TPCN1: variants seen among roughly 807,000 people sequenced by gnomAD.
The protein encoded by TPCN1 is two pore channel protein 1.
In TPCN1, 52 loss-of-function variants were observed where a neutral mutation model predicts 108.8. The observed-to-expected ratio is 0.48, with a 90% confidence interval of 0.38 to 0.60. The LOEUF is 0.60. TPCN1 is among the 20% of genes least tolerant of loss of function. The probability of loss-of-function intolerance (pLI) is 0.00; values close to 1 mark genes in which losing one functional copy is unlikely to be tolerated. For missense variants in TPCN1, 806 were observed against 1,072.8 expected (o/e 0.75, Z 3.47); for synonymous variants, 446 against 433.7 (o/e 1.03, Z -0.35).
intron 2 of TPCN1, among the ~76,000 whole-genome samples, chr12:113,247,992 T>G (rs1954468867): frequency 6.6e-6 from 1 of 152,232 alleles, no homozygotes; most frequent in Non-Finnish European, 1.5e-5. Context: ...CTCTTGAGTC[T>G]TATTCTCCCC....
chr12:113,246,838 G>A (rs555648577), intron 2 of TPCN1, among the ~76,000 whole-genome samples: 16 of 152,344 alleles, frequency 1.1e-4, no homozygotes, highest in African/African-American at 3.8e-4. Flanking sequence ...ATGAGCACCA[G>A]TTGGAGAGGG....
At chr12:113,239,729 C>T (rs148941105) in intron 2 of TPCN1, among the ~76,000 whole-genome samples, 158 of 152,342 alleles carry the variant, frequency 1.0e-3, no homozygotes, top group African/African-American at 3.4e-3. Flanking sequence ...CTTCCAGCTT[C>T]GAACTCCCCA....
chr12:113,264,678 CAAAA>C (rs78726088), intron 3 of TPCN1, among the ~76,000 whole-genome samples: 1 of 137,796 alleles, frequency 7.3e-6, no homozygotes, highest in African/African-American at 2.7e-5. Flanking sequence ...GACTCTGTCT[CAAAA>C]AAAAAGAAAA....
In TPCN1 at chr12:113,287,972, C is replaced by G. The variant is rs181371761; in HGVS notation, c.1635-191C>G. Among the ~76,000 whole-genome samples the G allele has an allele frequency of 1.9e-3, 286 of 152,324 alleles. 1 individual carries two copies. The highest frequency in any genetic ancestry group is 6.7e-3 in the African/African-American group (277 of 41,582). On this transcript the variant is annotated intron_variant, in intron 19 of 27. Transcript: ENST00000335509. ...CCGGTGTCCTGGGGCTGCCACCATC[C>G]CTTCCCTCATGCATGAATCACCTGA...
chr12:113,260,419 G>A lies in TPCN1; in HGVS notation c.164G>A (p.Gly55Glu). 1 of 1,550,958 alleles carries A rather than the reference G, an allele frequency of 6.4e-7. No individual in the cohort carries two copies. Among genetic ancestry groups the A allele is most frequent in the Non-Finnish European group, 8.7e-7 (1 of 1,153,874 alleles). Residue 55 changes from glycine (G) to glutamate (E), a missense_variant, in exon 3 of 28, where the codon GGG becomes GAG. By Grantham distance (98) the Gly-to-Glu change is moderately conservative. Transcript: ENST00000335509. ...TCCCAGGCCCCCAGTCTCAGCTCTG[G>A]GGGTGAGAGTTCCCCCTCCAGCCCC... The part of the protein sequence containing the change: ...HDSQAPSLSS[G>E]GESSPSSPAH...
intron 1 of TPCN1, among the ~76,000 whole-genome samples, chr12:113,223,435 C>CTTTTTTTTTTTTTTTTTTTTTTT: frequency 8.3e-6 from 1 of 120,288 alleles, no homozygotes; most frequent in Non-Finnish European, 1.7e-5. Context: ...TCTGCTGAGT[C>CTTTTTTTTTTTTTTTTTTTTTTT]TTTTTTTTTT....
intron 1 of TPCN1, among the ~76,000 whole-genome samples, chr12:113,224,982 C>A (rs1953418799): frequency 6.6e-6 from 1 of 151,856 alleles, no homozygotes; most frequent in African/African-American, 2.4e-5. Context: ...AACTCCTGAG[C>A]TCAAGTGATC....
chr12:113,273,640 C>T lies in TPCN1; in HGVS notation c.914C>T (p.Ser305Phe), dbSNP rs913850689. The change falls in exon 10 of 28, where the codon TCC becomes TTC. Residue 305 changes from serine (S) to phenylalanine (F), a missense_variant. Coordinates refer to ENST00000335509, the MANE Select transcript of TPCN1 (RefSeq NM_017901.6). The surrounding 1 kb of genome is among the most constrained non-coding windows in gnomAD (Gnocchi z 4.0). ...WSCVFFIVYL[S>F]IELYFIMNLL... ...TGCGTCTTCTTCATCGTGTACCTCT[C>T]CATCGAGCTGTATTTCATCATGAAC... 2 of 1,614,220 alleles carry T rather than the reference C, an allele frequency of 1.2e-6. No individual in the cohort carries two copies. Among genetic ancestry groups the T allele is most frequent in the Admixed American group, 1.7e-5 (1 of 60,028 alleles).
intron 7 of TPCN1, among the ~76,000 whole-genome samples, chr12:113,270,877 C>T (rs373849630): frequency 6.6e-5 from 10 of 152,302 alleles, no homozygotes; most frequent in East Asian, 3.9e-4. Flanking sequence ...ACACCCTCAA[C>T]TTGGGGATTA....
Position 113,296,675 on chromosome 12 carries a change from G to A in TPCN1, c.*599G>A, listed in dbSNP as rs1310246417. The A allele has an allele frequency of 6.6e-6, 1 of 152,504 alleles. No homozygotes were observed. The highest frequency in any genetic ancestry group is 1.5e-5 in the Non-Finnish European group (1 of 68,244). The allele number at this position is 152,504 out of a possible 1,614,324, so 9.4% of individuals were successfully genotyped here. A position where few individuals can be genotyped will look rare whatever the true frequency, so the allele number is the denominator to read the frequency against. Reference sequence around the variant, plus strand: ...ACTGGGCCCATGTGGCCAGAGCTCAGTTAGCCAGTGCCGGGCGGCCACAGA... The same window carrying A: ...ACTGGGCCCATGTGGCCAGAGCTCAATTAGCCAGTGCCGGGCGGCCACAGA... On this transcript the variant is annotated 3_prime_UTR_variant, in exon 28 of 28. Transcript: ENST00000335509.
chr12:113,264,537 GGT>G lies in TPCN1; in HGVS notation c.238-1639_238-1638del, dbSNP rs1955172371. Among the ~76,000 whole-genome samples the G allele has an allele frequency of 4.6e-5, 7 of 152,076 alleles. No individual in the cohort carries two copies. In the South Asian group the frequency reaches 1.5e-3, roughly 32 times the overall value. ...CTACTAAAAATACAAAAATTAGCCAGGTGTGGTGGTGCACGCCTGTCATTCCA... is the reference window on the plus strand; with the variant it reads ...CTACTAAAAATACAAAAATTAGCCAGGTGGTGGTGCACGCCTGTCATTCCA... On this transcript the variant is annotated intron_variant, in intron 3 of 27. Transcript: ENST00000335509.
Position 113,272,560 on chromosome 12 carries a change from G to A in TPCN1, c.749-98G>A. The A allele has an allele frequency of 9.0e-7, 1 of 1,111,886 alleles. No individual in the cohort carries two copies. The highest frequency in any genetic ancestry group is 1.4e-6 in the Non-Finnish European group (1 of 722,780). 68.9% of individuals were successfully genotyped at this position (1,111,886 alleles called of 1,614,324 possible). ...CAGTCCCTGCTGCTCTTCCTGACCTGCTGCGTTCATTTGCATGTATTTGTC... is the reference window on the plus strand; with the variant it reads ...CAGTCCCTGCTGCTCTTCCTGACCTACTGCGTTCATTTGCATGTATTTGTC... On this transcript the variant is annotated intron_variant, in intron 7 of 27. Coordinates refer to ENST00000335509, the MANE Select transcript of TPCN1 (RefSeq NM_017901.6). The surrounding 1 kb of genome is among the most constrained non-coding windows in gnomAD (Gnocchi z 4.1).
intron 2 of TPCN1, among the ~76,000 whole-genome samples, chr12:113,235,613 G>A (rs902878342): frequency 2.0e-5 from 3 of 151,996 alleles, no homozygotes; most frequent in South Asian, 2.1e-4. Flanking sequence ...TAAAATGGCC[G>A]CACATTTAGG....
Position 113,226,718 on chromosome 12 carries a change from C to T in TPCN1, c.-125-10C>T, listed in dbSNP as rs1189871663. 6.6e-7 allele frequency: 1 copy of T among 1,526,426 alleles called. No individual in the cohort carries two copies. The highest frequency in any genetic ancestry group is 2.5e-5 in the East Asian group (1 of 40,790). The allele number at this position is 1,526,426 out of a possible 1,614,324, so 94.6% of individuals were successfully genotyped here. A position where few individuals can be genotyped will look rare whatever the true frequency, so the allele number is the denominator to read the frequency against. ...AATTATCTTTTATTTTTTTAATTCC[C>T]AAACCCTAGAAGATGCCTCTAATGG... On this transcript the variant is annotated splice_polypyrimidine_tract_variant and intron_variant, in intron 1 of 27. Transcript: ENST00000335509.
At chr12:113,287,871 C>T (rs529565426) in intron 19 of TPCN1, among the ~76,000 whole-genome samples, 1 of 152,304 alleles carries the variant, frequency 6.6e-6, no homozygotes, top group Admixed American at 6.5e-5. Flanking sequence ...AGGCCTTGCT[C>T]CTGTCTGAGC....
chr12:113,289,974 G>T lies in TPCN1; in HGVS notation c.1797-154G>T. On this transcript the variant is annotated intron_variant, in intron 21 of 27. Coordinates refer to ENST00000335509, the MANE Select transcript of TPCN1 (RefSeq NM_017901.6). This position sits in a 1 kb window ranked among gnomAD's most constrained non-coding sequence, Gnocchi z 4.1. The stretch of plus-strand genomic sequence containing the variant: ...AGGGCATTCCTTCAGCAGGGACCCA[G>T]GCATGAGGTGGAGAGGGTTAGGCAG... 1.7e-6 allele frequency: 1 copy of T among 580,678 alleles called. No homozygotes were observed. The highest frequency in any genetic ancestry group is 2.1e-5 in the South Asian group (1 of 47,458). The allele number at this position is 580,678 out of a possible 1,614,324, so 36.0% of individuals were successfully genotyped here. A position where few individuals can be genotyped will look rare whatever the true frequency, so the allele number is the denominator to read the frequency against.
chr12:113,228,332 C>T (rs1953549664), intron 2 of TPCN1, among the ~76,000 whole-genome samples: 1 of 152,178 alleles, frequency 6.6e-6, no homozygotes, highest in Non-Finnish European at 1.5e-5. Context: ...ACAGGCCAGG[C>T]GTGGTGGCCC....
At chr12:113,254,877 A>G (rs1332195225) in intron 2 of TPCN1, among the ~76,000 whole-genome samples, 1 of 152,240 alleles carries the variant, frequency 6.6e-6, no homozygotes, top group African/African-American at 2.4e-5. Context: ...ACAACAAACT[A>G]GGCACAGAAA....
At position 113,289,413 on chromosome 12, in the gene TPCN1, A is replaced by G. The variant is rs147979727; in HGVS notation, c.1796+566A>G. ...AGCACCGATGAAGAAACAGTTTTACAAAGACACTGGTAGCTTTGAGACCCA... is the reference window on the plus strand; with the variant it reads ...AGCACCGATGAAGAAACAGTTTTACGAAGACACTGGTAGCTTTGAGACCCA... On this transcript the variant is annotated intron_variant, in intron 21 of 27. Transcript: ENST00000335509. The surrounding 1 kb of genome is among the most constrained non-coding windows in gnomAD (Gnocchi z 4.1). Among the ~76,000 whole-genome samples the G allele has an allele frequency of 5.3e-3, 807 of 152,358 alleles. 9 individuals are homozygous for G. The highest frequency in any genetic ancestry group is 0.018 in the African/African-American group (763 of 41,584).
Sources: allele counts gnomAD v4.1 joint callset (sites outside exome capture counted in the v4.1 genomes callset), GRCh38; gene constraint gnomAD v4.1.1; non-coding constraint Gnocchi (gnomAD v3.1); transcripts MANE v1.5; gene names NCBI Gene and HGNC (gene_info 2026-07-23, HGNC 2026-07-21).